The following SLC24A2 variants were observed in gnomAD, a reference collection of about 807,000 sequenced individuals.
SLC24A2 encodes the protein solute carrier family 24 member 2, also known as sodium/potassium/calcium exchanger 2.
In SLC24A2, 36 loss-of-function variants were observed where a neutral mutation model predicts 62.0. The ratio of observed to expected loss-of-function variants is 0.58; its 90% confidence interval spans 0.44 to 0.77. The LOEUF is 0.77. Ranked by LOEUF, SLC24A2 falls within the 30% of genes least tolerant of loss-of-function variation. The pLI is 0.00. For missense variants in SLC24A2, 846 were observed against 817.9 expected, an observed-to-expected ratio of 1.03 and a Z score of -0.42; for synonymous variants, 358 against 294.0, an observed-to-expected ratio of 1.22 and a Z score of -2.23.
At chr9:19,955,977 G>A in the SLC24A2 span, among the ~76,000 whole-genome samples, 5 of 152,190 alleles carry the variant, frequency 3.3e-5, no homozygotes, top group Non-Finnish European at 7.3e-5. Flanking sequence ...TAAGCCCAGT[G>A]TTTGCTCTGT....
intron 7 of SLC24A2, among the ~76,000 whole-genome samples, chr9:19,569,965 C>A (rs1019143538): frequency 2.0e-5 from 3 of 152,210 alleles, no homozygotes; most frequent in Non-Finnish European, 4.4e-5. Flanking sequence ...CATCTCCCAA[C>A]TCACAGGAGC....
At position 19,548,271 on chromosome 9, in the gene SLC24A2, T is replaced by A. The variant is rs534791265; in HGVS notation, c.1479+1866A>T. The stretch of plus-strand genomic sequence containing the variant: ...AAGTGCTTTTAGAAATGATTTTTTT[T>A]AAATGATTTTTTTTTCTACTTTGTG... On this transcript the variant is annotated intron_variant, in intron 8 of 10. Transcript: ENST00000341998. Among the ~76,000 whole-genome samples the A allele has an allele frequency of 2.0e-4, 29 of 147,688 alleles. No individual in the cohort carries two copies. In the South Asian group the frequency reaches 5.6e-3, roughly 29 times the overall value.
chr9:19,979,691 T>C, the SLC24A2 span, among the ~76,000 whole-genome samples: 1 of 152,182 alleles, frequency 6.6e-6, no homozygotes, highest in South Asian at 2.1e-4. Flanking sequence ...CTGTCCGACA[T>C]TATTTATGTA....
chr9:19,682,374 C>T (rs763615772), intron 2 of SLC24A2, among the ~76,000 whole-genome samples: 10 of 152,054 alleles, frequency 6.6e-5, no homozygotes, highest in Non-Finnish European at 1.5e-4. Flanking sequence ...CCGGGAGAAA[C>T]ATTACCTTAA....
the SLC24A2 span, among the ~76,000 whole-genome samples, chr9:20,182,428 A>T: frequency 6.6e-6 from 1 of 152,258 alleles, no homozygotes; most frequent in African/African-American, 2.4e-5. Context: ...AATGTGGCAC[A>T]TATACACCAT....
At chr9:19,765,180 CTATG>C (rs1402425851) in intron 2 of SLC24A2, among the ~76,000 whole-genome samples, 3 of 151,978 alleles carry the variant, frequency 2.0e-5, no homozygotes, top group Non-Finnish European at 4.4e-5. Flanking sequence ...TATTTTGAGC[CTATG>C]TATGTATTTG....
the SLC24A2 span, among the ~76,000 whole-genome samples, chr9:20,058,476 A>G: frequency 7.1e-6 from 1 of 140,562 alleles, no homozygotes; most frequent in African/African-American, 2.9e-5. Context: ...CTTCTGATAC[A>G]AACCCATGCC....
the SLC24A2 span, among the ~76,000 whole-genome samples, chr9:19,906,789 C>T: frequency 6.6e-6 from 1 of 152,184 alleles, no homozygotes; most frequent in East Asian, 1.9e-4. Context: ...GAAGTTGAAT[C>T]TCTGAATAGA....
At position 19,636,322 on chromosome 9, in the gene SLC24A2, T is replaced by TTCTTTC. The variant is rs376017966; in HGVS notation, c.931-14024_931-14023insGAAAGA. Among the ~76,000 whole-genome samples, 29 of 30,562 alleles carry TTCTTTC rather than the reference T, an allele frequency of 9.5e-4. 1 individual carries two copies. Among genetic ancestry groups the TTCTTTC allele is most frequent in the African/African-American group, 3.4e-3 (28 of 8,242 alleles). 20.0% of individuals were successfully genotyped at this position (30,562 alleles called of 152,430 possible). Reference sequence around the variant, plus strand: ...TTCTTTTCTTTTCTTTTCTTTTCTTTCTTTCTTTCTTTCTTTCTTTCTTTC... The same window carrying TTCTTTC: ...TTCTTTTCTTTTCTTTTCTTTTCTTTTCTTTCCTTTCTTTCTTTCTTTCTTTCTTTC... On this transcript the variant is annotated intron_variant, in intron 2 of 10. Coordinates refer to ENST00000341998, the MANE Select transcript of SLC24A2 (RefSeq NM_020344.4).
the SLC24A2 span, among the ~76,000 whole-genome samples, chr9:20,092,608 C>G: frequency 1.3e-5 from 2 of 152,106 alleles, no homozygotes; most frequent in Non-Finnish European, 2.9e-5. Context: ...AAAATATTGA[C>G]AAAAATTGTT....
the SLC24A2 span, among the ~76,000 whole-genome samples, chr9:20,026,512 T>G: frequency 5.9e-5 from 9 of 152,162 alleles, no homozygotes; most frequent in African/African-American, 1.9e-4. Context: ...ATTACTCCAT[T>G]GCGTGCCCCA....
At chr9:20,261,396 A>C in the SLC24A2 span, among the ~76,000 whole-genome samples, 1 of 152,188 alleles carries the variant, frequency 6.6e-6, no homozygotes, top group Admixed American at 6.5e-5. Flanking sequence ...GTAGAAGTGC[A>C]AAAGGGAGGA....
intron 9 of SLC24A2, among the ~76,000 whole-genome samples, chr9:19,522,410 C>A (rs1172994160): frequency 3.9e-5 from 6 of 152,028 alleles, no homozygotes; most frequent in African/African-American, 1.2e-4. Context: ...CTGATGATGT[C>A]CAGCATTTTT....
At chr9:20,283,789 T>C in the SLC24A2 span, among the ~76,000 whole-genome samples, 1 of 150,940 alleles carries the variant, frequency 6.6e-6, no homozygotes, top group African/African-American at 2.4e-5. Flanking sequence ...TACAACTTTA[T>C]AGGCTCGCCT....
At chr9:20,303,621 G>T in the SLC24A2 span, among the ~76,000 whole-genome samples, 3 of 152,112 alleles carry the variant, frequency 2.0e-5, no homozygotes, top group Non-Finnish European at 4.4e-5. Flanking sequence ...AGAGACATTT[G>T]CACCAGAGCC....
At chr9:19,516,767 G>A (rs1460902521) in intron 10 of SLC24A2, among the ~76,000 whole-genome samples, 2 of 152,170 alleles carry the variant, frequency 1.3e-5, no homozygotes, top group Non-Finnish European at 2.9e-5. Context: ...TCCAGGATTT[G>A]CACAGGGTGA....
At chr9:19,713,082 T>TTTTTC (rs1820759864) in intron 2 of SLC24A2, among the ~76,000 whole-genome samples, 1 of 152,222 alleles carries the variant, frequency 6.6e-6, no homozygotes, top group Non-Finnish European at 1.5e-5. Flanking sequence ...CCCTGTTTTA[T>TTTTTC]TTTTCTTCCC....
the SLC24A2 span, among the ~76,000 whole-genome samples, chr9:20,101,662 G>C: frequency 1.3e-5 from 2 of 152,118 alleles, no homozygotes; most frequent in East Asian, 3.9e-4. Context: ...AAGGAATGGA[G>C]ACCTGACCTT....
intron 2 of SLC24A2, among the ~76,000 whole-genome samples, chr9:19,709,163 A>G (rs1820632474): frequency 6.6e-6 from 1 of 152,162 alleles, no homozygotes; most frequent in Non-Finnish European, 1.5e-5. Flanking sequence ...AATGCTCATC[A>G]TCACTGGCCA....
Sources: allele counts gnomAD v4.1 joint callset (sites outside exome capture counted in the v4.1 genomes callset), GRCh38; gene constraint gnomAD v4.1.1; transcripts MANE v1.5; gene names NCBI Gene and HGNC (gene_info 2026-07-23, HGNC 2026-07-21).